Variants in ZNF570 observed in about 807,000 individuals in gnomAD.
ZNF570 encodes zinc finger protein 570.
In ZNF570, 8 loss-of-function variants were observed where a neutral mutation model predicts 14.2. That is an observed-to-expected ratio of 0.56 (90% CI 0.33 to 1.02). ZNF570 has a LOEUF of 1.02. Among genes scored for constraint, ZNF570 ranks in the 50% least tolerant of loss-of-function variants. ZNF570 has a pLI of 0.03. For missense variants in ZNF570, 559 were observed against 624.9 expected (o/e 0.89, Z 1.12); for synonymous variants, 202 against 207.6 (o/e 0.97, Z 0.23).
In ZNF570 at chr19:37,485,131, CA is replaced by C. The variant is rs1203012118; in HGVS notation, c.1516del (p.Thr506ProfsTer34). ...GERPYECKEC[K>X]KTFRQHAHLA... is the part of the protein sequence containing the mutation. ...AGAGACCCTATGAATGTAAGGAATGCAAAAAAACCTTCAGGCAGCATGCACA... is the reference window on the plus strand; with the variant it reads ...AGAGACCCTATGAATGTAAGGAATGCAAAAAACCTTCAGGCAGCATGCACA... On this transcript the variant is annotated frameshift_variant, in exon 5 of 5. Coordinates refer to ENST00000330173, the MANE Select transcript of ZNF570 (RefSeq NM_144694.5). LOFTEE classifies it high-confidence loss of function. 6.2e-7 allele frequency: 1 copy of C among 1,608,898 alleles called. No homozygotes were observed. The highest frequency in any genetic ancestry group is 1.7e-5 in the Admixed American group (1 of 58,554).
rs555290702 is a variant in ZNF570 at position 37,484,648 on chromosome 19, A to C, written c.1026A>C (p.Arg342Ser). ...CIECGKAFSN[R>S]SSIAQHQRVH... The stretch of plus-strand genomic sequence containing the variant: ...AATGTGGGAAAGCATTTAGCAACAG[A>C]TCATCCATTGCTCAACACCAGAGAG... The change falls in exon 5 of 5, where the codon AGA becomes AGC. Residue 342 changes from arginine to serine, a missense_variant. Arg to Ser is a moderately radical substitution (Grantham distance 110). Coordinates refer to ENST00000330173, the MANE Select transcript of ZNF570 (RefSeq NM_144694.5). 2.2e-5 allele frequency: 36 copies of C among 1,613,514 alleles called. No homozygotes were observed. In the East Asian group the frequency reaches 6.2e-4, roughly 28 times the overall value.
rs2042126082 is a variant in ZNF570, at chr19:37,484,499, C to T, written c.877C>T (p.Leu293=). Residue 293 remains leucine, a synonymous_variant, in exon 5 of 5, where the codon CTG becomes TTG. Coordinates refer to ENST00000330173, the MANE Select transcript of ZNF570 (RefSeq NM_144694.5). ...TCAGAATGCACACCTAGTTCAACAT[C>T]TGCGAGTTCATACTGGAGAAAAACC... ...FSQNAHLVQH[L]RVHTGEKPYE... The T allele has an allele frequency of 6.2e-7, 1 of 1,613,918 alleles. No individual in the cohort carries two copies. Among genetic ancestry groups the T allele is most frequent in the South Asian group, 1.1e-5 (1 of 91,066 alleles).
At chr19:37,469,342 G>C, upstream of ZNF570, 2 of 1,417,574 alleles carry the variant, frequency 1.4e-6, no homozygotes, top group Non-Finnish European at 1.8e-6. Flanking sequence ...TCCGGGGGCG[G>C]AGGCAGCTGA....
At chr19:37,474,049 C>T (rs1418281340) in intron 2 of ZNF570, among the ~76,000 whole-genome samples, 1 of 152,158 alleles carries the variant, frequency 6.6e-6, no homozygotes, top group Admixed American at 6.5e-5. Flanking sequence ...GATAGGGCAT[C>T]AGGGGAAGTC....
chr19:37,480,557 C>T (rs889331330), intron 4 of ZNF570, among the ~76,000 whole-genome samples: 4 of 152,062 alleles, frequency 2.6e-5, no homozygotes, highest in Non-Finnish European at 5.9e-5. Context: ...TTCAGTTATT[C>T]CTTGCTTTTC....
At chr19:37,482,843 T>C (rs1016202041) in intron 4 of ZNF570, among the ~76,000 whole-genome samples, 6 of 139,254 alleles carry the variant, frequency 4.3e-5, no homozygotes, top group African/African-American at 1.1e-4. Context: ...CTCTCTCTCT[T>C]TCTTTCTCTC....
rs550834691 is a variant in ZNF570 at position 37,473,444 on chromosome 19, G to A, written c.34-2437G>A. Among the ~76,000 whole-genome samples, 10 of 152,186 alleles carry A rather than the reference G, an allele frequency of 6.6e-5. No homozygotes were observed. The East Asian group carries it at 1.2e-3, about 18-fold the overall frequency. The stretch of plus-strand genomic sequence containing the variant: ...GTTGTGCTGGGAAGTGAGGGTACTC[G>A]GGGATGAGGAACAGTGAAAAAGTGG... On this transcript the variant is annotated intron_variant, in intron 2 of 4. Coordinates refer to ENST00000330173, the MANE Select transcript of ZNF570 (RefSeq NM_144694.5).
At chr19:37,475,104 C>T (rs961759031) in intron 2 of ZNF570, among the ~76,000 whole-genome samples, 1 of 151,842 alleles carries the variant, frequency 6.6e-6, no homozygotes, top group Non-Finnish European at 1.5e-5. Flanking sequence ...GCTGGGACTA[C>T]AGGCATGTGC....
intron 4 of ZNF570, among the ~76,000 whole-genome samples, chr19:37,477,288 C>CGTGTGTGTGTGTGTGTGT (rs71177457): frequency 8.7e-6 from 1 of 115,430 alleles, no homozygotes; most frequent in Non-Finnish European, 1.8e-5. Context: ...GGGAGGTTGT[C>CGTGTGTGTGTGTGTGTGT]GTGTGTGTGT....
At chr19:37,482,960 C>T (rs528398487) in intron 4 of ZNF570, among the ~76,000 whole-genome samples, 1 of 151,548 alleles carries the variant, frequency 6.6e-6, no homozygotes, top group East Asian at 2.0e-4. Context: ...GTAAGTTTCC[C>T]GAGGCCTTCT....
At chr19:37,471,782 T>C (rs1233476245) in intron 2 of ZNF570, among the ~76,000 whole-genome samples, 1 of 152,216 alleles carries the variant, frequency 6.6e-6, no homozygotes, top group East Asian at 1.9e-4. Context: ...GAGAGTAAAC[T>C]GAATGGGACA....
At position 37,476,421 on chromosome 19, in the gene ZNF570, A is replaced by C. The variant is rs2147010578; in HGVS notation, c.243A>C (p.Lys81Asn). The C allele has an allele frequency of 6.2e-7, 1 of 1,613,964 alleles. No homozygotes were observed. The highest frequency in any genetic ancestry group is 1.7e-5 in the Admixed American group (1 of 59,998). Reference protein sequence around the residue: ...APWMVKRELTKGLCSGWEPIC... With the variant: ...APWMVKRELTNGLCSGWEPIC... ...GGATGGTGAAGAGAGAGCTGACAAAAGGCTTGTGCTCAGGTTAGTGAAGAG... is the reference window on the plus strand; with the variant it reads ...GGATGGTGAAGAGAGAGCTGACAAACGGCTTGTGCTCAGGTTAGTGAAGAG... Residue 81 changes from lysine to asparagine, a missense_variant, in exon 4 of 5, where the codon AAA becomes AAC. Coordinates refer to ENST00000330173, the MANE Select transcript of ZNF570 (RefSeq NM_144694.5).
rs60321298 is a variant in ZNF570, at chr19:37,487,201, CAAAAAAAAAAAA to C, written c.*1984_*1995del. 5 of 44,830 alleles carry C rather than the reference CAAAAAAAAAAAA, an allele frequency of 1.1e-4. No homozygotes were observed. The highest frequency in any genetic ancestry group is 1.7e-4 in the Non-Finnish European group (4 of 23,416). The allele number at this position is 44,830 out of a possible 1,614,324, so 2.8% of individuals were successfully genotyped here. A position where few individuals can be genotyped will look rare whatever the true frequency, so the allele number is the denominator to read the frequency against. On this transcript the variant is annotated 3_prime_UTR_variant, in exon 5 of 5. Transcript: ENST00000330173. ...TGGGCAATACAGCAAGACTCCATCT[CAAAAAAAAAAAA>C]AAAAAAAAAAAAAAAGCACTACCCC...
Position 37,483,956 on chromosome 19 carries a change from A to G in ZNF570, c.334A>G (p.Ile112Val). 1 of 1,613,916 alleles carries G rather than the reference A, an allele frequency of 6.2e-7. No homozygotes were observed. Among genetic ancestry groups the G allele is most frequent in the South Asian group, 1.1e-5 (1 of 91,086 alleles). ...TGAAGAACATCAATCCCAGAAGATA[A>G]TAGAAACACTTACAAGCTATAACCT... is the stretch of plus-strand genomic sequence containing the variant. ...FYEEHQSQKI[I>V]ETLTSYNLEY... Residue 112 changes from isoleucine to valine, a missense_variant, in exon 5 of 5, where the codon ATA becomes GTA. Coordinates refer to ENST00000330173, the MANE Select transcript of ZNF570 (RefSeq NM_144694.5).
intron 2 of ZNF570, among the ~76,000 whole-genome samples, chr19:37,472,037 C>T (rs575562975): frequency 3.9e-5 from 6 of 151,914 alleles, no homozygotes; most frequent in Admixed American, 2.6e-4. Flanking sequence ...TTGACTCAGC[C>T]TCCTGAGTAC....
chr19:37,468,139 T>G, upstream of ZNF570: 1 of 592,330 alleles, frequency 1.7e-6, no homozygotes, highest in South Asian at 2.1e-5. Context: ...GGCTGGAGAG[T>G]GCAGCGGCGC....
At chr19:37,479,456 G>A (rs191125644) in intron 4 of ZNF570, among the ~76,000 whole-genome samples, 8 of 152,070 alleles carry the variant, frequency 5.3e-5, no homozygotes, top group Admixed American at 5.2e-4. Flanking sequence ...AAAATAATAT[G>A]TATTTTCTGG....
At chr19:37,469,350 T>C, upstream of ZNF570, 2 of 1,426,054 alleles carry the variant, frequency 1.4e-6, no homozygotes, top group South Asian at 3.0e-5. Context: ...CGGAGGCAGC[T>C]GAGGCGCTTC....
At position 37,485,305 on chromosome 19, in the gene ZNF570, A is replaced by G; in HGVS notation, c.*72A>G. On this transcript the variant is annotated 3_prime_UTR_variant, in exon 5 of 5. Transcript: ENST00000330173. ...TAATGTTGTCACCTTGGTCTGATTC[A>G]TCTCACTCTGATTACTAATATAGCT... The G allele has an allele frequency of 7.2e-7, 1 of 1,386,240 alleles. No individual in the cohort carries two copies. The highest frequency in any genetic ancestry group is 1.5e-5 in the African/African-American group (1 of 68,802). 85.9% of individuals were successfully genotyped at this position (1,386,240 alleles called of 1,614,324 possible).
Sources: allele counts gnomAD v4.1 joint callset (sites outside exome capture counted in the v4.1 genomes callset), GRCh38; gene constraint gnomAD v4.1.1; transcripts MANE v1.5; gene names NCBI Gene and HGNC (gene_info 2026-07-23, HGNC 2026-07-21).